PEAK1: variants seen among roughly 807,000 people sequenced by gnomAD.
PEAK1 encodes pseudopodium enriched atypical kinase 1, also known as inactive tyrosine-protein kinase PEAK1.
PEAK1 carries 54 observed loss-of-function variants against 124.7 expected under a neutral mutation model. That is an observed-to-expected ratio of 0.43 (90% CI 0.35 to 0.54). The LOEUF is 0.54. PEAK1 is among the 20% of genes least tolerant of loss of function. PEAK1 has a pLI of 0.01. For missense variants in PEAK1, 2,046 were observed against 2,134.5 expected, an observed-to-expected ratio of 0.96 and a Z score of 0.82; for synonymous variants, 719 against 760.0, an observed-to-expected ratio of 0.95 and a Z score of 0.89.
chr15:77,158,666 A>C lies in PEAK1; in HGVS notation c.3168T>G (p.Phe1056Leu). Residue 1056 changes from phenylalanine (F) to leucine (L), a missense_variant, in exon 8 of 10, where the codon TTT becomes TTG. Coordinates refer to ENST00000682557, the MANE Select transcript of PEAK1 (RefSeq NM_001385026.1). ...SHMTHEVTED[F>L]SPRDPRTVVG... ...CAACAGTTCTTGGATCCCGAGGAGAAAAATCCTCTGTTACTTCATGGGTCA... is the reference window on the plus strand; with the variant it reads ...CAACAGTTCTTGGATCCCGAGGAGACAAATCCTCTGTTACTTCATGGGTCA... The C allele has an allele frequency of 6.2e-7, 1 of 1,614,126 alleles. No individual in the cohort carries two copies. Among genetic ancestry groups the C allele is most frequent in the Middle Eastern group, 1.6e-4 (1 of 6,062 alleles).
chr15:77,192,618 G>A (rs1353777609), intron 6 of PEAK1, among the ~76,000 whole-genome samples: 1 of 152,224 alleles, frequency 6.6e-6, no homozygotes, highest in Non-Finnish European at 1.5e-5. Flanking sequence ...AGTGGAAAGT[G>A]AGAGGTGGAA....
rs574290795 is a variant in PEAK1, at chr15:77,178,514, T to C, written c.3137+276A>G. On this transcript the variant is annotated intron_variant, in intron 7 of 9. Transcript: ENST00000682557. ...CACATTATTTATTGCTATTAAGGTG[T>C]TATGGATTTGCTTTTCTATGCTAAA... 8.2e-5 allele frequency: 37 copies of C among 452,906 alleles called. No individual in the cohort carries two copies. The East Asian group carries it at 1.1e-3, about 14-fold the overall frequency. 28.1% of individuals were successfully genotyped at this position (452,906 alleles called of 1,614,324 possible).
chr15:77,183,172 T>C (rs908896138), intron 6 of PEAK1, among the ~76,000 whole-genome samples: 7 of 152,280 alleles, frequency 4.6e-5, no homozygotes, highest in African/African-American at 1.2e-4. Flanking sequence ...CAAGTGAAAA[T>C]TATATGAAAT....
chr15:77,207,777 C>A (rs1297394894), intron 6 of PEAK1, among the ~76,000 whole-genome samples: 1 of 152,156 alleles, frequency 6.6e-6, no homozygotes, highest in African/African-American at 2.4e-5. Context: ...TGTCATTATA[C>A]ATTTGTCAAA....
intron 2 of PEAK1, among the ~76,000 whole-genome samples, chr15:77,313,863 T>TG (rs1243327713): frequency 6.6e-6 from 1 of 151,576 alleles, no homozygotes; most frequent in East Asian, 1.9e-4. Flanking sequence ...ATTACAGGTG[T>TG]GAGCCACCGT....
intron 3 of PEAK1, 30 bp downstream of exon 3, chr15:77,286,393 T>A: frequency 1.8e-6 from 2 of 1,082,746 alleles, no homozygotes; most frequent in Non-Finnish European, 2.3e-6. Context: ...AGAATAAACA[T>A]GTTACATTAT....
chr15:77,241,160 A>T (rs2060339602), intron 6 of PEAK1, among the ~76,000 whole-genome samples: 1 of 152,230 alleles, frequency 6.6e-6, no homozygotes, highest in African/African-American at 2.4e-5. Context: ...TCATCCTGGA[A>T]TATACAGAAA....
At chr15:77,404,167 A>T in intron 1 of PEAK1, 14 of 985,388 alleles carry the variant, frequency 1.4e-5, no homozygotes, top group Non-Finnish European at 1.7e-5. Context: ...AGAAATACCT[A>T]ATTTTATTGA....
chr15:77,313,500 CTT>C (rs774436594), intron 2 of PEAK1, among the ~76,000 whole-genome samples: 18 of 151,654 alleles, frequency 1.2e-4, no homozygotes, highest in Non-Finnish European at 1.5e-4. Context: ...GAGTTTCACT[CTT>C]GTTGCCCAAG....
chr15:77,152,269 G>T (rs559129601), intron 8 of PEAK1, among the ~76,000 whole-genome samples: 92 of 152,064 alleles, frequency 6.1e-4, no homozygotes, highest in Middle Eastern at 3.4e-3. Context: ...GGGAGTTCAC[G>T]CATGATTTGG....
chr15:77,183,814 C>A (rs971699326), intron 6 of PEAK1, among the ~76,000 whole-genome samples: 2 of 152,008 alleles, frequency 1.3e-5, no homozygotes, highest in African/African-American at 4.8e-5. Flanking sequence ...AGACACTTAA[C>A]CAAATATATA....
rs553475171 is a variant in PEAK1 at position 77,149,754 on chromosome 15, C to CTT, written c.3331+8747_3331+8748dup. Among the ~76,000 whole-genome samples the CTT allele has an allele frequency of 4.1e-5, 6 of 144,942 alleles. No homozygotes were observed. The East Asian group carries it at 1.0e-3, about 24-fold the overall frequency. On this transcript the variant is annotated intron_variant, in intron 8 of 9. Coordinates refer to ENST00000682557, the MANE Select transcript of PEAK1 (RefSeq NM_001385026.1). ...ACTGGACAATATCTTATTGGCATCACTTTTTTTTTTTTTAAGACAGTGTCT... is the reference window on the plus strand; with the variant it reads ...ACTGGACAATATCTTATTGGCATCACTTTTTTTTTTTTTTTAAGACAGTGTCT...
intron 5 of PEAK1, among the ~76,000 whole-genome samples, chr15:77,256,939 A>AT (rs1336659608): frequency 7.6e-6 from 1 of 132,158 alleles, no homozygotes; most frequent in Non-Finnish European, 1.5e-5. Context: ...ATGTGTTCTC[A>AT]TTTTTCAATT....
intron 2 of PEAK1, among the ~76,000 whole-genome samples, chr15:77,319,379 A>G (rs1268094981): frequency 1.3e-5 from 2 of 152,220 alleles, no homozygotes; most frequent in Non-Finnish European, 2.9e-5. Flanking sequence ...AAATATAAGG[A>G]AAAATAAGTG....
chr15:77,294,745 T>C (rs1046775081), intron 2 of PEAK1, among the ~76,000 whole-genome samples: 8 of 152,174 alleles, frequency 5.3e-5, no homozygotes, highest in African/African-American at 1.9e-4. Context: ...ATACCTAGTA[T>C]AGATGCTGGA....
At chr15:77,117,853 A>C (rs1277652628) in intron 9 of PEAK1, among the ~76,000 whole-genome samples, 2 of 152,224 alleles carry the variant, frequency 1.3e-5, no homozygotes, top group African/African-American at 4.8e-5. Flanking sequence ...TGTGACTCGT[A>C]TTTTAATTGT....
intron 1 of PEAK1, chr15:77,402,106 G>T (rs2071417004): frequency 7.9e-6 from 7 of 883,206 alleles, no homozygotes; most frequent in Middle Eastern, 5.7e-4. Context: ...GGCTGAGACG[G>T]GATAATTGTT....
chr15:77,349,009 T>TACA (rs1421206429), intron 2 of PEAK1: 41 of 949,308 alleles, frequency 4.3e-5, no homozygotes, highest in Admixed American at 6.2e-5. Flanking sequence ...AAAAATGCCT[T>TACA]AGCAAGCAAT....
intron 2 of PEAK1, among the ~76,000 whole-genome samples, chr15:77,357,275 T>C (rs1224119269): frequency 6.6e-6 from 1 of 152,144 alleles, no homozygotes; most frequent in East Asian, 1.9e-4. Flanking sequence ...GTTTTTGTTT[T>C]GTTTTCTTTT....
Sources: allele counts gnomAD v4.1 joint callset (sites outside exome capture counted in the v4.1 genomes callset), GRCh38; gene constraint gnomAD v4.1.1; transcripts MANE v1.5; gene names NCBI Gene and HGNC (gene_info 2026-07-23, HGNC 2026-07-21).